Variants in ZBTB20 observed in about 807,000 individuals in gnomAD.
The protein encoded by ZBTB20 is zinc finger and BTB domain containing 20.
A neutral mutation model predicts 56.9 loss-of-function variants in ZBTB20; 9 were observed. The observed-to-expected ratio is 0.16, with a 90% CI of 0.10 to 0.28. The LOEUF (loss-of-function observed/expected upper bound fraction) is 0.28, where lower values mean the gene tolerates loss of function less well. Ranked by LOEUF, ZBTB20 falls within the 10% of genes least tolerant of loss-of-function variation. The pLI, the probability that ZBTB20 is intolerant of heterozygous loss-of-function variation, is 1.00. For synonymous variants in ZBTB20, 417 were observed against 420.7 expected (o/e 0.99, Z 0.11); for missense variants, 655 against 1,003.0 (o/e 0.65, Z 4.69).
chr3:115,128,341 C>A (rs1265079737), intron 1 of ZBTB20, among the ~76,000 whole-genome samples: 2 of 152,030 alleles, frequency 1.3e-5, no homozygotes, highest in East Asian at 3.9e-4. Context: ...TTTCTACTAG[C>A]CTTGCCTAAA....
chr3:114,575,491 T>G (rs2053911908), intron 6 of ZBTB20, among the ~76,000 whole-genome samples: 1 of 152,088 alleles, frequency 6.6e-6, no homozygotes, highest in African/African-American at 2.4e-5. Context: ...TTCACTAAGT[T>G]TCTTAATCAT....
chr3:114,780,513 G>T (rs924136150), intron 5 of ZBTB20, among the ~76,000 whole-genome samples: 6 of 152,072 alleles, frequency 3.9e-5, no homozygotes, highest in African/African-American at 1.4e-4. Flanking sequence ...TTTTGAGACG[G>T]AGTCTCGTTC....
intron 4 of ZBTB20, among the ~76,000 whole-genome samples, chr3:114,860,063 C>T (rs963898847): frequency 1.3e-5 from 2 of 152,114 alleles, no homozygotes; most frequent in Non-Finnish European, 2.9e-5. Flanking sequence ...AATCCTAGCA[C>T]TTTGGGAGGC....
chr3:114,847,847 T>C (rs1433982423), intron 4 of ZBTB20, among the ~76,000 whole-genome samples: 1 of 152,202 alleles, frequency 6.6e-6, no homozygotes, highest in African/African-American at 2.4e-5. Context: ...TAAGCACTTG[T>C]TGATTGACTG....
chr3:114,711,176 T>C (rs1239389539), intron 5 of ZBTB20, among the ~76,000 whole-genome samples: 1 of 151,420 alleles, frequency 6.6e-6, no homozygotes, highest in Non-Finnish European at 1.5e-5. Flanking sequence ...TTCCTAGATC[T>C]GATCATTATT....
At position 114,331,105 on chromosome 3, in the gene ZBTB20, A is replaced by ATGTG. The variant is rs58242110; in HGVS notation, c.*7896_*7899dup. 0.04 allele frequency: 5,968 copies of ATGTG among 148,648 alleles called. 167 individuals carry two copies. Among genetic ancestry groups the ATGTG allele is most frequent in the East Asian group, 0.084 (418 of 4,974 alleles). 9.2% of individuals were successfully genotyped at this position (148,648 alleles called of 1,614,324 possible). ...AAGCTTTAGTTTGAGAATAAAATTTATGTGTGTGTGTGTGTGTGTGTGTGT... is the reference window on the plus strand; with the variant it reads ...AAGCTTTAGTTTGAGAATAAAATTTATGTGTGTGTGTGTGTGTGTGTGTGTGTGT... On this transcript the variant is annotated 3_prime_UTR_variant, in exon 12 of 12. Coordinates refer to ENST00000675478, the MANE Select transcript of ZBTB20 (RefSeq NM_001348800.3).
chr3:115,075,990 C>A (rs1334985825), intron 1 of ZBTB20, among the ~76,000 whole-genome samples: 1 of 151,276 alleles, frequency 6.6e-6, no homozygotes, highest in African/African-American at 2.4e-5. Context: ...AACAAGGAAC[C>A]ATCTGAAAAA....
At chr3:114,566,462 A>G (rs904269266) in intron 6 of ZBTB20, among the ~76,000 whole-genome samples, 1 of 152,166 alleles carries the variant, frequency 6.6e-6, no homozygotes, top group Admixed American at 6.5e-5. Context: ...GTTGCTACTT[A>G]TTTATCTCAA....
chr3:114,726,004 T>A (rs906591703), intron 5 of ZBTB20, among the ~76,000 whole-genome samples: 52 of 152,180 alleles, frequency 3.4e-4, no homozygotes, highest in Non-Finnish European at 1.8e-4. Flanking sequence ...TAACCTATTA[T>A]TTATTATAAT....
At chr3:114,689,275 T>C (rs2062552106) in intron 6 of ZBTB20, among the ~76,000 whole-genome samples, 1 of 152,140 alleles carries the variant, frequency 6.6e-6, no homozygotes. Context: ...ATATGTCAGC[T>C]TCATTAAACA....
chr3:114,623,291 A>G (rs932079658), intron 6 of ZBTB20, among the ~76,000 whole-genome samples: 5 of 152,196 alleles, frequency 3.3e-5, no homozygotes, highest in Non-Finnish European at 5.9e-5. Context: ...CCAGTCTCAC[A>G]TCAGACAGGA....
intron 6 of ZBTB20, among the ~76,000 whole-genome samples, chr3:114,584,424 C>T (rs1169044488): frequency 6.6e-6 from 1 of 151,914 alleles, no homozygotes; most frequent in Non-Finnish European, 1.5e-5. Context: ...ATTCCATTTA[C>T]AATTCAAATT....
intron 6 of ZBTB20, among the ~76,000 whole-genome samples, chr3:114,671,564 G>T (rs1389517359): frequency 6.6e-6 from 1 of 150,574 alleles, no homozygotes; most frequent in Non-Finnish European, 1.5e-5. Context: ...TATTGTTGTC[G>T]CTCCCCCTTC....
chr3:114,953,389 T>C (rs1450397176), intron 3 of ZBTB20, among the ~76,000 whole-genome samples: 1 of 151,506 alleles, frequency 6.6e-6, no homozygotes, highest in Admixed American at 6.6e-5. Context: ...TTACATTAAA[T>C]GTAAATGGCA....
chr3:114,960,330 C>T (rs1269819582), intron 3 of ZBTB20, among the ~76,000 whole-genome samples: 1 of 152,158 alleles, frequency 6.6e-6, no homozygotes, highest in Non-Finnish European at 1.5e-5. Flanking sequence ...TAAATTTTGA[C>T]TGTGGAATTC....
intron 4 of ZBTB20, among the ~76,000 whole-genome samples, chr3:114,839,603 C>T (rs763661642): frequency 6.6e-5 from 10 of 152,064 alleles, no homozygotes; most frequent in African/African-American, 2.2e-4. Context: ...CCAAAAGAAA[C>T]GCCCACATTC....
At chr3:114,586,990 T>A (rs965881070) in intron 6 of ZBTB20, among the ~76,000 whole-genome samples, 13 of 30,522 alleles carry the variant, frequency 4.3e-4, no homozygotes, top group Non-Finnish European at 8.7e-4. Context: ...TATAACTCCC[T>A]TTTTTTTTTT....
At position 114,330,203 on chromosome 3, in the gene ZBTB20, T is replaced by G. The variant is rs2079201144; in HGVS notation, c.*8802A>C. On this transcript the variant is annotated 3_prime_UTR_variant, in exon 12 of 12. Transcript: ENST00000675478. ...GTCTGAGCTTTAAAAAATTCTAAAA[T>G]CCTCTAAAGACAATACTGAAGCTGA... The G allele has an allele frequency of 6.6e-6, 1 of 152,228 alleles. No homozygotes were observed. Among genetic ancestry groups the G allele is most frequent in the South Asian group, 2.1e-4 (1 of 4,828 alleles). 9.4% of individuals were successfully genotyped at this position (152,228 alleles called of 1,614,324 possible).
intron 6 of ZBTB20, among the ~76,000 whole-genome samples, chr3:114,653,452 C>T (rs1223511910): frequency 6.6e-6 from 1 of 151,828 alleles, no homozygotes; most frequent in Non-Finnish European, 1.5e-5. Context: ...ACTAAAGTTG[C>T]TTTTCTGAGA....
Sources: allele counts gnomAD v4.1 joint callset (sites outside exome capture counted in the v4.1 genomes callset), GRCh38; gene constraint gnomAD v4.1.1; transcripts MANE v1.5; gene names NCBI Gene and HGNC (gene_info 2026-07-23, HGNC 2026-07-21).